Variants in CCSER2 observed in about 807,000 individuals in gnomAD.
CCSER2 encodes serine-rich coiled-coil domain-containing protein 2.
In CCSER2, 46 loss-of-function variants were observed where a neutral mutation model predicts 92.3. The ratio of observed to expected loss-of-function variants is 0.50; its 90% CI spans 0.39 to 0.64. The LOEUF (loss-of-function observed/expected upper bound fraction) is 0.64. Ranked by LOEUF, CCSER2 falls within the 30% of genes least tolerant of loss-of-function variation. The pLI is 0.00. For synonymous variants in CCSER2, 433 were observed against 431.4 expected (o/e 1.00, Z -0.04); for missense variants, 1,244 against 1,238.9 (o/e 1.00, Z -0.06).
At chr10:84,430,100 C>G (rs1843681993) in intron 5 of CCSER2, among the ~76,000 whole-genome samples, 2 of 152,002 alleles carry the variant, frequency 1.3e-5, no homozygotes, top group Non-Finnish European at 2.9e-5. Context: ...GTCTCCCAGC[C>G]TCCACCAGGG....
At chr10:84,457,886 C>A (rs1320898636) in intron 6 of CCSER2, among the ~76,000 whole-genome samples, 6 of 150,808 alleles carry the variant, frequency 4.0e-5, no homozygotes, top group Non-Finnish European at 1.5e-5. Flanking sequence ...GGATTACAGG[C>A]GAATGCCACC....
At chr10:84,376,489 G>A (rs1846344405) in intron 3 of CCSER2, among the ~76,000 whole-genome samples, 1 of 151,976 alleles carries the variant, frequency 6.6e-6, no homozygotes, top group South Asian at 2.1e-4. Context: ...AAAGGTGCTG[G>A]TTTATATCTA....
intron 5 of CCSER2, among the ~76,000 whole-genome samples, chr10:84,430,678 C>G (rs1377319167): frequency 6.6e-6 from 1 of 152,114 alleles, no homozygotes; most frequent in East Asian, 1.9e-4. Context: ...GCTTTTGGTT[C>G]TCAAGCTACC....
Position 84,352,393 on chromosome 10 carries a change from G to T in CCSER2, c.-39-18621G>T, listed in dbSNP as rs1013923519. Among the ~76,000 whole-genome samples, 5 of 152,116 alleles carry T rather than the reference G, an allele frequency of 3.3e-5. No homozygotes were observed. The South Asian group carries it at 1.0e-3, about 32-fold the overall frequency. On this transcript the variant is annotated intron_variant, in intron 1 of 9. Coordinates refer to ENST00000372088, the MANE Select transcript of CCSER2 (RefSeq NM_001284240.2). ...GTAGAGGAGCCAAGGTGAGGTGTGGGAACAGGGCCACAAGACATAGTTCAT... is the reference window on the plus strand; with the variant it reads ...GTAGAGGAGCCAAGGTGAGGTGTGGTAACAGGGCCACAAGACATAGTTCAT...
chr10:84,471,443 C>T (rs937494083), intron 8 of CCSER2, among the ~76,000 whole-genome samples: 3 of 151,960 alleles, frequency 2.0e-5, no homozygotes, highest in African/African-American at 2.4e-5. Flanking sequence ...ATGTAAGCTT[C>T]GATTTTTACA....
rs139644314 is a variant in CCSER2, at chr10:84,354,130, T to G, written c.-39-16884T>G. Among the ~76,000 whole-genome samples, 798 of 152,146 alleles carry G rather than the reference T, an allele frequency of 5.2e-3. 2 individuals are homozygous for G. Among genetic ancestry groups the G allele is most frequent in the African/African-American group, 0.018 (757 of 41,526 alleles). ...GGGAGGGTTGCTTGAGCCCAGGAGG[T>G]CGAGGCTGCGGTGAGCTGTGTTTGC... On this transcript the variant is annotated intron_variant, in intron 1 of 9. Coordinates refer to ENST00000372088, the MANE Select transcript of CCSER2 (RefSeq NM_001284240.2).
chr10:84,422,967 A>C (rs1843227101), intron 4 of CCSER2, among the ~76,000 whole-genome samples: 1 of 152,012 alleles, frequency 6.6e-6, no homozygotes, highest in Non-Finnish European at 1.5e-5. Context: ...AGGCAGGAGA[A>C]TAGCTTGAAC....
At chr10:84,414,580 A>ATT (rs765840361) in intron 3 of CCSER2, among the ~76,000 whole-genome samples, 65 of 138,828 alleles carry the variant, frequency 4.7e-4, no homozygotes, top group African/African-American at 1.6e-3. Context: ...TGCCCTTAAC[A>ATT]TTTTTTTTTT....
chr10:84,459,039 G>A (rs966531118), intron 6 of CCSER2, among the ~76,000 whole-genome samples: 4 of 152,016 alleles, frequency 2.6e-5, no homozygotes, highest in Non-Finnish European at 4.4e-5. Flanking sequence ...AGACGTTCTC[G>A]CTGTGTTGCC....
intron 6 of CCSER2, among the ~76,000 whole-genome samples, chr10:84,439,436 G>C (rs892639902): frequency 6.6e-5 from 10 of 152,126 alleles, no homozygotes; most frequent in Admixed American, 1.3e-4. Flanking sequence ...GCCAACTTTA[G>C]CTTAAAACTA....
At position 84,372,220 on chromosome 10, in the gene CCSER2, C is replaced by G. The variant is rs1846100084; in HGVS notation, c.1168C>G (p.Leu390Val). Residue 390 changes from leucine to valine, a missense_variant, in exon 2 of 10, where the codon CTG (leucine) becomes GTG (valine). Coordinates refer to ENST00000372088, the MANE Select transcript of CCSER2 (RefSeq NM_001284240.2). ...TMKHDAKMRY[L>V]SDDVDDISLS... is the part of the protein sequence containing the mutation. Reference sequence around the variant, plus strand: ...GAAACATGATGCTAAAATGAGATACCTGAGTGATGATGTGGATGACATTTC... The same window carrying G: ...GAAACATGATGCTAAAATGAGATACGTGAGTGATGATGTGGATGACATTTC... 6.2e-7 allele frequency: 1 copy of G among 1,613,384 alleles called. No homozygotes were observed. Among genetic ancestry groups the G allele is most frequent in the Non-Finnish European group, 8.5e-7 (1 of 1,179,624 alleles).
At chr10:84,427,624 G>A (rs116936122) in intron 5 of CCSER2, among the ~76,000 whole-genome samples, 4,604 of 152,250 alleles carry the variant, frequency 0.03, 130 homozygotes, top group Non-Finnish European at 0.043. Flanking sequence ...TGGTGGTTGA[G>A]AACTAATACA....
At chr10:84,415,292 T>C (rs1363836700) in intron 3 of CCSER2, among the ~76,000 whole-genome samples, 1 of 152,236 alleles carries the variant, frequency 6.6e-6, no homozygotes, top group Admixed American at 6.5e-5. Context: ...TTATCTACCT[T>C]CAATCTTTGA....
chr10:84,360,479 AAGC>A (rs1204668673), intron 1 of CCSER2, among the ~76,000 whole-genome samples: 1 of 152,228 alleles, frequency 6.6e-6, no homozygotes, highest in African/African-American at 2.4e-5. Flanking sequence ...ATAGGAGTAG[AAGC>A]AGTTTGAGGC....
At chr10:84,392,548 C>G (rs1841585690) in intron 3 of CCSER2, among the ~76,000 whole-genome samples, 1 of 151,530 alleles carries the variant, frequency 6.6e-6, no homozygotes, top group African/African-American at 2.4e-5. Context: ...CCAAGTTTTC[C>G]CACATGATGG....
chr10:84,474,735 A>G (rs546443030), intron 8 of CCSER2, among the ~76,000 whole-genome samples: 1 of 152,018 alleles, frequency 6.6e-6, no homozygotes, highest in East Asian at 1.9e-4. Flanking sequence ...TGATAGAACT[A>G]CATAGTAAAC....
At chr10:84,424,224 A>G (rs187265087) in intron 4 of CCSER2, among the ~76,000 whole-genome samples, 2 of 151,778 alleles carry the variant, frequency 1.3e-5, no homozygotes, top group Admixed American at 1.3e-4. Flanking sequence ...TACTTCTGAC[A>G]TTTTTGGACA....
chr10:84,362,606 T>G (rs1056613302), intron 1 of CCSER2, among the ~76,000 whole-genome samples: 1 of 152,212 alleles, frequency 6.6e-6, no homozygotes, highest in Non-Finnish European at 1.5e-5. Context: ...CCTTTTGAGC[T>G]TAACTTTTAC....
At chr10:84,511,832 TC>T (rs904075703) in intron 9 of CCSER2, among the ~76,000 whole-genome samples, 23 of 152,334 alleles carry the variant, frequency 1.5e-4, no homozygotes, top group Admixed American at 1.3e-3. Flanking sequence ...TTTAGTATCT[TC>T]CGTTTTGCGG....
Sources: gnomAD v4.1 joint callset for allele counts (sites outside exome capture counted in the v4.1 genomes callset) on GRCh38, gnomAD v4.1.1 for gene constraint, MANE v1.5 for transcripts, NCBI Gene and HGNC (gene_info 2026-07-23, HGNC 2026-07-21) for gene names.